CRAT: variants seen among roughly 807,000 people sequenced by gnomAD.
CRAT encodes the protein carnitine O-acetyltransferase.
CRAT carries 66 observed loss-of-function variants against 73.7 expected under a neutral mutation model. The observed-to-expected ratio is 0.90, with a 90% CI of 0.73 to 1.10. CRAT has a LOEUF of 1.10. CRAT is among the 50% of genes least tolerant of loss of function. The pLI, the probability that CRAT is intolerant of heterozygous loss-of-function variation, is 0.00. For synonymous variants in CRAT, 321 were observed against 343.2 expected (o/e 0.94, Z 0.71); for missense variants, 745 against 846.9 (o/e 0.88, Z 1.49).
chr9:129,104,426 G>A (rs1847874994), intron 2 of CRAT, 120 bp from the exon 3 acceptor site: 1 of 712,606 alleles, frequency 1.4e-6, no homozygotes, highest in African/African-American at 1.8e-5. Flanking sequence ...GATTCTCAAA[G>A]TAAATGCCTA....
chr9:129,101,414 G>A lies in CRAT; in HGVS notation c.805+469C>T, dbSNP rs547261091. Among the ~76,000 whole-genome samples, 5 of 152,340 alleles carry A rather than the reference G, an allele frequency of 3.3e-5. No individual in the cohort carries two copies. The East Asian group carries it at 5.8e-4, about 18-fold the overall frequency. Reference sequence around the variant, plus strand: ...GCCATCATGTTCCCATGCTCAGAGCGAGACCCGCTCTCCTATCTGTAAACA... The same window carrying A: ...GCCATCATGTTCCCATGCTCAGAGCAAGACCCGCTCTCCTATCTGTAAACA... On this transcript the variant is annotated intron_variant, in intron 6 of 13. Coordinates refer to ENST00000318080, the MANE Select transcript of CRAT (RefSeq NM_000755.5).
intron 5 of CRAT, 85 bp downstream of exon 5, chr9:129,102,315 C>T: frequency 6.4e-7 from 1 of 1,563,438 alleles, no homozygotes; most frequent in East Asian, 2.2e-5. Flanking sequence ...TGCTGGGGAA[C>T]CCCAGTGGGG....
rs1231226158 is a variant in CRAT, at chr9:129,110,273, G to C, written c.27+210C>G. ...TTGTCTTTCCTGGGTCGTTGGAACT[G>C]AATGCTCCAGGACGTGGGTTTAATC... is the stretch of plus-strand genomic sequence containing the variant. On this transcript the variant is annotated intron_variant, in intron 1 of 13. Coordinates refer to ENST00000318080, the MANE Select transcript of CRAT (RefSeq NM_000755.5). This position sits in a 1 kb window ranked among gnomAD's most constrained non-coding sequence, Gnocchi z 5.3. 2.0e-5 allele frequency among the ~76,000 whole-genome samples: 3 copies of C among 152,210 alleles called. No individual in the cohort carries two copies. The highest frequency in any genetic ancestry group is 2.1e-4 in the South Asian group (1 of 4,826).
chr9:129,110,666 GC>G lies in CRAT; in HGVS notation c.-158del. The G allele has an allele frequency of 1.1e-6, 1 of 926,714 alleles. No individual in the cohort carries two copies. The highest frequency in any genetic ancestry group is 1.5e-6 in the Non-Finnish European group (1 of 665,088). The allele number at this position is 926,714 out of a possible 1,614,324, so 57.4% of individuals were successfully genotyped here. ...CGCCAGCCGGTAGAGGCAGCCCCGC[GC>G]CCACCCTCTGGGCCGAGCGGGCTGC... On this transcript the variant is annotated 5_prime_UTR_variant, in exon 1 of 14. Transcript: ENST00000318080. This position sits in a 1 kb window ranked among gnomAD's most constrained non-coding sequence, Gnocchi z 5.3.
At chr9:129,095,668 T>G in intron 13 of CRAT, 56 bp from the exon 14 acceptor site, 4 of 1,540,716 alleles carry the variant, frequency 2.6e-6, no homozygotes, top group Non-Finnish European at 3.5e-6. Context: ...CCCCAGCACT[T>G]CCCAGGCTGC....
In CRAT at chr9:129,103,549, C is replaced by T. The variant is rs17508654; in HGVS notation, c.411-483G>A. On this transcript the variant is annotated intron_variant, in intron 3 of 13. Transcript: ENST00000318080. The surrounding 1 kb of genome is among the most constrained non-coding windows in gnomAD (Gnocchi z 4.6). ...TCCCCACTCTGGGCCTCTGTGTCCC[C>T]CAGGCCGCCTTCCTCCCAGGGCTGT... is the stretch of plus-strand genomic sequence containing the variant. 6.6e-6 allele frequency among the ~76,000 whole-genome samples: 1 copy of T among 152,276 alleles called. No individual in the cohort carries two copies. Among genetic ancestry groups the T allele is most frequent in the African/African-American group, 2.4e-5 (1 of 41,552 alleles).
intron 7 of CRAT, 129 bp from the exon 8 acceptor site, chr9:129,100,095 T>C: frequency 1.5e-6 from 1 of 658,298 alleles, no homozygotes; most frequent in Non-Finnish European, 2.6e-6. Flanking sequence ...CTTATTACTG[T>C]TATTAACAAT....
At chr9:129,095,953 G>T (rs1271579666) in intron 13 of CRAT, 45 bp downstream of exon 13, 1 of 1,612,250 alleles carries the variant, frequency 6.2e-7, no homozygotes, top group East Asian at 2.2e-5. Context: ...ACTACCAGTG[G>T]GTTCTCTGCC....
intron 5 of CRAT, among the ~76,000 whole-genome samples, 169 bp downstream of exon 5, chr9:129,102,231 C>T (rs937124825): frequency 2.0e-5 from 3 of 152,150 alleles, no homozygotes; most frequent in Admixed American, 1.3e-4. Context: ...GGCAGGCCCA[C>T]GGCCCCTCCT....
In CRAT at chr9:129,098,033, T is replaced by C. The variant is rs142832186; in HGVS notation, c.1444A>G (p.Met482Val). ...SMDSLTFVKA[M>V]DDSSVTEHQK... ...CTCACCGTGACGCTGGAGTCATCCA[T>C]GGCCTTGACAAAGGTGAGTGAGTCC... The change falls in exon 11 of 14, where the codon ATG becomes GTG. Residue 482 changes from methionine (M) to valine (V), a missense_variant. Met to Val is a conservative substitution (Grantham distance 21). Coordinates refer to ENST00000318080, the MANE Select transcript of CRAT (RefSeq NM_000755.5). 27 of 1,613,924 alleles carry C rather than the reference T, an allele frequency of 1.7e-5. No individual in the cohort carries two copies. The East Asian group carries it at 4.0e-4, about 24-fold the overall frequency.
At chr9:129,099,131 C>T (rs938885973) in intron 8 of CRAT, among the ~76,000 whole-genome samples, 17 of 150,420 alleles carry the variant, frequency 1.1e-4, no homozygotes, top group East Asian at 2.0e-4. Context: ...CCCACCACCA[C>T]GCGTGGCTAA....
Position 129,106,747 on chromosome 9 carries a change from C to A in CRAT, c.291+1067G>T, listed in dbSNP as rs1017013519. Reference sequence around the variant, plus strand: ...AAGCCCCAGGGCTAGAGCTCTACCTCCCCTCCCCATGGCACCCCCTATAAC... The same window carrying A: ...AAGCCCCAGGGCTAGAGCTCTACCTACCCTCCCCATGGCACCCCCTATAAC... On this transcript the variant is annotated intron_variant, in intron 2 of 13. Coordinates refer to ENST00000318080, the MANE Select transcript of CRAT (RefSeq NM_000755.5). This position sits in a 1 kb window ranked among gnomAD's most constrained non-coding sequence, Gnocchi z 4.0. Among the ~76,000 whole-genome samples, 1 of 152,174 alleles carries A rather than the reference C, an allele frequency of 6.6e-6. No homozygotes were observed. The highest frequency in any genetic ancestry group is 1.5e-5 in the Non-Finnish European group (1 of 68,036).
At position 129,095,314 on chromosome 9, in the gene CRAT, G is replaced by A; in HGVS notation, c.*83C>T. 4 of 1,416,322 alleles carry A rather than the reference G, an allele frequency of 2.8e-6. No individual in the cohort carries two copies. Among genetic ancestry groups the A allele is most frequent in the Non-Finnish European group, 2.9e-6 (3 of 1,024,134 alleles). The allele number at this position is 1,416,322 out of a possible 1,614,324, so 87.7% of individuals were successfully genotyped here. On this transcript the variant is annotated 3_prime_UTR_variant, in exon 14 of 14. Coordinates refer to ENST00000318080, the MANE Select transcript of CRAT (RefSeq NM_000755.5). ...CAGGGAAGAGGGAACCAAGGAAGAGGGAACCAAGGAGCTGAGCCCTGGTGG... is the reference window on the plus strand; with the variant it reads ...CAGGGAAGAGGGAACCAAGGAAGAGAGAACCAAGGAGCTGAGCCCTGGTGG...
At chr9:129,104,062 C>T in intron 3 of CRAT, 126 bp downstream of exon 3, 1 of 624,458 alleles carries the variant, frequency 1.6e-6, no homozygotes, top group Non-Finnish European at 2.8e-6. Flanking sequence ...AGGGAGGATG[C>T]TCCCTACTTC....
rs17508557 is a variant in CRAT, at chr9:129,095,655, C to T, written c.1666-43G>A. 3,557 of 1,576,542 alleles carry T rather than the reference C, an allele frequency of 2.3e-3. 70 individuals carry two copies. The African/African-American group carries it at 0.042, about 18-fold the overall frequency. The stretch of plus-strand genomic sequence containing the variant: ...AAAGCTCTCAGCTCCCCTACCTTGA[C>T]GCCCCCAGCACTTCCCAGGCTGCCT... On this transcript the variant is annotated intron_variant, in intron 13 of 13. Transcript: ENST00000318080.
intron 11 of CRAT, 50 bp downstream of exon 11, chr9:129,097,963 G>A: frequency 5.0e-6 from 8 of 1,598,326 alleles, no homozygotes; most frequent in Non-Finnish European, 6.8e-6. Context: ...GAGTGAGCAG[G>A]AGGGAGGGGC....
rs1234870516 is a variant in CRAT, at chr9:129,095,539, G to C, written c.1739C>G (p.Pro580Arg). 1 of 1,613,410 alleles carries C rather than the reference G, an allele frequency of 6.2e-7. No homozygotes were observed. The highest frequency in any genetic ancestry group is 1.7e-5 in the Admixed American group (1 of 60,004). Reference protein sequence around the residue: ...VPDGYGVCYNPMEAHINFSLS... With the variant: ...VPDGYGVCYNRMEAHINFSLS... ...GGAGAAGTTGATGTGGGCCTCCATG[G>C]GGTTATAGCAGACACCGTAGCCGTC... is the stretch of plus-strand genomic sequence containing the variant. The change falls in exon 14 of 14, where the codon CCC (proline) becomes CGC (arginine). Residue 580 changes from proline (P) to arginine (R), a missense_variant. Transcript: ENST00000318080.
intron 8 of CRAT, among the ~76,000 whole-genome samples, chr9:129,098,976 A>AT (rs1204410319): frequency 2.9e-5 from 4 of 138,802 alleles, no homozygotes; most frequent in Non-Finnish European, 4.7e-5. Flanking sequence ...ACCTTGGCTA[A>AT]TTTTTTTCTT....
intron 2 of CRAT, among the ~76,000 whole-genome samples, chr9:129,105,835 C>T (rs1274909780): frequency 2.0e-5 from 3 of 152,084 alleles, no homozygotes; most frequent in Non-Finnish European, 2.9e-5. Flanking sequence ...TCTGCCCTGA[C>T]GGTCTGTCCT....
Sources: allele counts gnomAD v4.1 joint callset (sites outside exome capture counted in the v4.1 genomes callset), GRCh38; gene constraint gnomAD v4.1.1; non-coding constraint Gnocchi (gnomAD v3.1); transcripts MANE v1.5; gene names NCBI Gene and HGNC (gene_info 2026-07-23, HGNC 2026-07-21).